NCOA2: variants seen among roughly 807,000 people sequenced by gnomAD.
The protein encoded by NCOA2 is class E basic helix-loop-helix protein 75.
Under a neutral mutation model 145.1 loss-of-function variants are expected in NCOA2, and 21 were observed. The observed-to-expected ratio is 0.14, with a 90% CI of 0.10 to 0.21. The LOEUF (loss-of-function observed/expected upper bound fraction) is 0.21, where lower values mean the gene tolerates loss of function less well. Ranked by LOEUF, NCOA2 falls within the 10% of genes least tolerant of loss-of-function variation. The pLI, the probability that NCOA2 is intolerant of heterozygous loss-of-function variation, is 1.00. For synonymous variants in NCOA2, 619 were observed against 637.5 expected, an observed-to-expected ratio of 0.97 and a Z score of 0.44; for missense variants, 1,472 against 1,837.6, an observed-to-expected ratio of 0.80 and a Z score of 3.64.
At chr8:70,260,342 A>G (rs185554434) in intron 2 of NCOA2, among the ~76,000 whole-genome samples, 1 of 152,236 alleles carries the variant, frequency 6.6e-6, no homozygotes, top group East Asian at 1.9e-4. Flanking sequence ...CACGTTGCCC[A>G]AGCTAATCTC....
At chr8:70,418,918 GA>G in the NCOA2 span, among the ~76,000 whole-genome samples, 1 of 151,834 alleles carries the variant, frequency 6.6e-6, no homozygotes, top group Admixed American at 6.6e-5. Flanking sequence ...ATTTATAATT[GA>G]CAATTGGTTA....
upstream of NCOA2, among the ~76,000 whole-genome samples, chr8:70,408,396 T>C (rs1006977128): frequency 6.6e-6 from 1 of 152,090 alleles, no homozygotes; most frequent in African/African-American, 2.4e-5. Context: ...AAAATGCCAT[T>C]TACAAAAGCA....
intron 2 of NCOA2, among the ~76,000 whole-genome samples, chr8:70,253,469 A>G (rs1227771779): frequency 6.6e-6 from 1 of 152,196 alleles, no homozygotes; most frequent in Non-Finnish European, 1.5e-5. Context: ...ATCAAAAATG[A>G]TACTTGAATT....
At chr8:70,134,369 T>C (rs1809499995) in intron 15 of NCOA2, among the ~76,000 whole-genome samples, 1 of 152,212 alleles carries the variant, frequency 6.6e-6, no homozygotes, top group African/African-American at 2.4e-5. Context: ...TCAAGAGTAA[T>C]GTCAGCTATT....
intron 4 of NCOA2, among the ~76,000 whole-genome samples, 196 bp downstream of exon 4, chr8:70,213,707 G>A (rs2133882701): frequency 6.6e-6 from 1 of 152,192 alleles, no homozygotes; most frequent in Non-Finnish European, 1.5e-5. Context: ...TGTCTTTAGG[G>A]TATGGCTGAA....
intron 15 of NCOA2, among the ~76,000 whole-genome samples, chr8:70,133,414 A>G (rs911518869): frequency 3.3e-5 from 5 of 151,912 alleles, no homozygotes; most frequent in African/African-American, 1.2e-4. Context: ...TTGTAGAGAC[A>G]GGGTCTTGCT....
chr8:70,134,911 T>C (rs1340813849), intron 15 of NCOA2, among the ~76,000 whole-genome samples: 1 of 152,124 alleles, frequency 6.6e-6, no homozygotes, highest in Non-Finnish European at 1.5e-5. Flanking sequence ...CCTGCTTGCA[T>C]GGTATCTCTA....
At chr8:70,450,113 G>A in the NCOA2 span, among the ~76,000 whole-genome samples, 2 of 152,082 alleles carry the variant, frequency 1.3e-5, no homozygotes, top group South Asian at 2.1e-4. Context: ...CTTATTTTTC[G>A]TTCCTTCTCT....
At chr8:70,451,933 T>C in the NCOA2 span, among the ~76,000 whole-genome samples, 1 of 152,154 alleles carries the variant, frequency 6.6e-6, no homozygotes, top group Admixed American at 6.5e-5. Context: ...AAAAGATGAC[T>C]CACTTTTAAA....
chr8:70,124,125 G>A, intron 20 of NCOA2, 43 bp from the exon 21 acceptor site: 2 of 1,573,274 alleles, frequency 1.3e-6, no homozygotes, highest in African/African-American at 1.3e-5. Flanking sequence ...ACAGCTTGCT[G>A]GTATCCAGAG....
intron 2 of NCOA2, among the ~76,000 whole-genome samples, chr8:70,232,327 A>G (rs1821211724): frequency 6.6e-6 from 1 of 152,140 alleles, no homozygotes; most frequent in African/African-American, 2.4e-5. Flanking sequence ...GGGGAAGCTG[A>G]GCACTGATGG....
chr8:70,382,413 G>A (rs1010990150), intron 1 of NCOA2, among the ~76,000 whole-genome samples: 1 of 152,140 alleles, frequency 6.6e-6, no homozygotes, highest in African/African-American at 2.4e-5. Flanking sequence ...CATTTAAAAT[G>A]TCGTTTCCAC....
chr8:70,340,276 C>A (rs922457665), intron 1 of NCOA2, among the ~76,000 whole-genome samples: 2 of 152,100 alleles, frequency 1.3e-5, no homozygotes, highest in African/African-American at 2.4e-5. Flanking sequence ...AAAAAGTGGA[C>A]AAAGGACATG....
At chr8:70,373,397 C>T (rs934361436) in intron 1 of NCOA2, among the ~76,000 whole-genome samples, 1 of 152,054 alleles carries the variant, frequency 6.6e-6, no homozygotes, top group African/African-American at 2.4e-5. Context: ...GTCTTTTGAA[C>T]ATTTTAAAAA....
chr8:70,350,031 G>T (rs1439823311), intron 1 of NCOA2, among the ~76,000 whole-genome samples: 1 of 151,702 alleles, frequency 6.6e-6, no homozygotes, highest in Non-Finnish European at 1.5e-5. Flanking sequence ...AAGCCCCAAG[G>T]AATAAATATT....
chr8:70,319,029 T>C (rs1805837898), intron 1 of NCOA2, among the ~76,000 whole-genome samples: 1 of 152,184 alleles, frequency 6.6e-6, no homozygotes, highest in Admixed American at 6.5e-5. Flanking sequence ...TTCCATTTTT[T>C]CCCAGTGCCT....
chr8:70,126,563 G>T (rs1808437553), intron 19 of NCOA2: 1 of 538,930 alleles, frequency 1.9e-6, no homozygotes, highest in Admixed American at 3.1e-5. Context: ...ACTTACTTCG[G>T]TCATTCTTAA....
intron 1 of NCOA2, among the ~76,000 whole-genome samples, chr8:70,400,588 T>G (rs1294215959): frequency 1.3e-5 from 2 of 152,164 alleles, no homozygotes; most frequent in Non-Finnish European, 2.9e-5. Flanking sequence ...TGTTGTCAAA[T>G]TTTGAATGTT....
intron 1 of NCOA2, among the ~76,000 whole-genome samples, chr8:70,397,427 T>C (rs1813774995): frequency 1.4e-5 from 2 of 142,500 alleles, no homozygotes; most frequent in South Asian, 4.4e-4. Flanking sequence ...CACTCCAACC[T>C]GGGTAACAGA....
Sources: allele counts gnomAD v4.1 joint callset (sites outside exome capture counted in the v4.1 genomes callset), GRCh38; gene constraint gnomAD v4.1.1; transcripts MANE v1.5; gene names NCBI Gene and HGNC (gene_info 2026-07-23, HGNC 2026-07-21).